KCNMA1: variants seen among roughly 807,000 people sequenced by gnomAD.
KCNMA1 encodes the protein Calcium-activated potassium channel subunit alpha-1.
KCNMA1 carries 29 observed loss-of-function variants against 140.0 expected under a neutral mutation model. That is an observed-to-expected ratio of 0.21 (90% CI 0.15 to 0.28). The LOEUF is 0.28. Among genes scored for constraint, KCNMA1 ranks in the 10% least tolerant of loss-of-function variants. The pLI is 1.00. For synonymous variants in KCNMA1, 612 were observed against 611.9 expected, an observed-to-expected ratio of 1.00 and a Z score of 0.00; for missense variants, 880 against 1,602.2, an observed-to-expected ratio of 0.55 and a Z score of 7.70.
chr10:77,616,475 G>A (rs1002267972), intron 1 of KCNMA1, among the ~76,000 whole-genome samples: 1 of 152,216 alleles, frequency 6.6e-6, no homozygotes. Flanking sequence ...CCAGGCAGCA[G>A]GAGGATAATG....
intron 2 of KCNMA1, among the ~76,000 whole-genome samples, chr10:77,351,609 T>C (rs1445141149): frequency 6.6e-6 from 1 of 152,174 alleles, no homozygotes; most frequent in Non-Finnish European, 1.5e-5. Flanking sequence ...TATCCTCTGT[T>C]TTTCCTTCCT....
chr10:77,054,864 C>G (rs1468391983), intron 14 of KCNMA1, among the ~76,000 whole-genome samples: 2 of 152,208 alleles, frequency 1.3e-5, no homozygotes, highest in East Asian at 3.9e-4. Flanking sequence ...GAAGTTGAAA[C>G]GGCCACCTCA....
Position 77,544,543 on chromosome 10 carries a change from T to C in KCNMA1, c.378+92722A>G, listed in dbSNP as rs561196163. On this transcript the variant is annotated intron_variant, in intron 1 of 27. Transcript: ENST00000286628. ...ATTTTACAGGACCACAAATTTTCTT[T>C]CTACTGCTACCCTATCTTCTAGTAA... Among the ~76,000 whole-genome samples the C allele has an allele frequency of 9.8e-5, 15 of 152,290 alleles. No homozygotes were observed. The South Asian group carries it at 2.7e-3, about 27-fold the overall frequency.
intron 2 of KCNMA1, among the ~76,000 whole-genome samples, chr10:77,299,735 G>A (rs2076110595): frequency 6.6e-6 from 1 of 152,122 alleles, no homozygotes; most frequent in African/African-American, 2.4e-5. Context: ...TTTTCCAAAG[G>A]TCCTGTTCAG....
intron 3 of KCNMA1, among the ~76,000 whole-genome samples, chr10:77,230,891 G>A (rs938917953): frequency 3.7e-4 from 57 of 152,152 alleles, no homozygotes; most frequent in African/African-American, 1.3e-3. Context: ...CTGTCTTCAA[G>A]GGAAGTCCAC....
At chr10:77,164,267 T>C (rs576846993) in intron 5 of KCNMA1, among the ~76,000 whole-genome samples, 8 of 152,190 alleles carry the variant, frequency 5.3e-5, no homozygotes, top group Non-Finnish European at 1.2e-4. Flanking sequence ...AATGGGAGTA[T>C]ACCTGGGGGT....
At chr10:77,384,818 T>C (rs959571517) in intron 2 of KCNMA1, among the ~76,000 whole-genome samples, 3 of 152,236 alleles carry the variant, frequency 2.0e-5, no homozygotes, top group South Asian at 4.1e-4. Context: ...GAGCCACGTA[T>C]GTTTGAGATC....
chr10:77,063,954 C>T lies in KCNMA1; in HGVS notation c.1749+9143G>A, dbSNP rs111438529. On this transcript the variant is annotated intron_variant, in intron 14 of 27. Coordinates refer to ENST00000286628, the MANE Select transcript of KCNMA1 (RefSeq NM_001161352.2). ...ACATCAGTGACTATATCCTGCCAGC[C>T]GAGAAGGGCCAGGGTGAGTGTCAGC... is the stretch of plus-strand genomic sequence containing the variant. 3.6e-3 allele frequency: 3,596 copies of T among 985,314 alleles called. 8 individuals carry two copies. Among genetic ancestry groups the T allele is most frequent in the Non-Finnish European group, 4.2e-3 (3,476 of 829,914 alleles). 61.0% of individuals were successfully genotyped at this position (985,314 alleles called of 1,614,324 possible). A position where few individuals can be genotyped will look rare whatever the true frequency, so the allele number is the denominator to read the frequency against.
intron 25 of KCNMA1, chr10:76,904,432 T>C (rs950393963): frequency 6.6e-6 from 1 of 152,052 alleles, no homozygotes; most frequent in African/African-American, 2.4e-5. Flanking sequence ...TAGGCTGGCA[T>C]TCACGCTTCT....
chr10:77,193,008 A>G (rs2039107822), intron 3 of KCNMA1, among the ~76,000 whole-genome samples: 1 of 152,104 alleles, frequency 6.6e-6, no homozygotes, highest in African/African-American at 2.4e-5. Context: ...AAGTCACTTT[A>G]ATGAGTGGCC....
chr10:77,412,981 C>T (rs1207371407), intron 1 of KCNMA1, among the ~76,000 whole-genome samples: 1 of 152,062 alleles, frequency 6.6e-6, no homozygotes, highest in Non-Finnish European at 1.5e-5. Context: ...CCTCAGCCTC[C>T]CTAGTAGCTG....
chr10:77,098,841 T>A (rs1175463564), intron 9 of KCNMA1, among the ~76,000 whole-genome samples: 1 of 152,086 alleles, frequency 6.6e-6, no homozygotes, highest in African/African-American at 2.4e-5. Context: ...CCTCACAAAC[T>A]GCACTGATTC....
chr10:77,413,737 C>G (rs1447665123), intron 1 of KCNMA1, among the ~76,000 whole-genome samples: 2 of 152,150 alleles, frequency 1.3e-5, no homozygotes, highest in Non-Finnish European at 2.9e-5. Flanking sequence ...CTCTGCACCC[C>G]GGAGACTCTG....
intron 12 of KCNMA1, among the ~76,000 whole-genome samples, chr10:77,081,341 T>C (rs2096561333): frequency 6.6e-6 from 1 of 152,162 alleles, no homozygotes; most frequent in South Asian, 2.1e-4. Context: ...TCATTAAAAG[T>C]TCTCTCCACG....
At chr10:77,158,411 G>C (rs538518222) in intron 5 of KCNMA1, among the ~76,000 whole-genome samples, 50 of 152,260 alleles carry the variant, frequency 3.3e-4, no homozygotes, top group African/African-American at 1.2e-3. Context: ...CAAGCAGACT[G>C]GTGCAGGTGC....
At chr10:77,510,249 G>T (rs1362125744) in intron 1 of KCNMA1, among the ~76,000 whole-genome samples, 1 of 150,388 alleles carries the variant, frequency 6.6e-6, no homozygotes, top group African/African-American at 2.4e-5. Flanking sequence ...AGTTTGTAGG[G>T]TCTTGCACTC....
intron 1 of KCNMA1, among the ~76,000 whole-genome samples, chr10:77,593,898 C>T (rs1319115572): frequency 2.0e-5 from 3 of 152,100 alleles, no homozygotes; most frequent in Admixed American, 2.0e-4. Context: ...CAAATTGTGC[C>T]CAGAGCTGCC....
chr10:77,028,053 C>A (rs1003323558), intron 15 of KCNMA1, among the ~76,000 whole-genome samples, 162 bp from the exon 16 acceptor site: 1 of 152,122 alleles, frequency 6.6e-6, no homozygotes, highest in Non-Finnish European at 1.5e-5. Flanking sequence ...CAACACCTCC[C>A]CATCTTCCCT....
intron 1 of KCNMA1, among the ~76,000 whole-genome samples, chr10:77,595,546 G>C (rs1435801186): frequency 6.6e-6 from 1 of 152,026 alleles, no homozygotes; most frequent in East Asian, 1.9e-4. Flanking sequence ...CCAAAATGCA[G>C]CTCCCATCTA....
Sources: allele counts gnomAD v4.1 joint callset (sites outside exome capture counted in the v4.1 genomes callset), GRCh38; gene constraint gnomAD v4.1.1; transcripts MANE v1.5; gene names NCBI Gene and HGNC (gene_info 2026-07-23, HGNC 2026-07-21).